The following RBM47 variants were observed in gnomAD, a reference collection of about 807,000 sequenced individuals.
RBM47 encodes the protein RNA-binding protein 47.
In RBM47, 21 loss-of-function variants were observed where a neutral mutation model predicts 47.1. The observed-to-expected ratio is 0.45, with a 90% CI of 0.32 to 0.64. The LOEUF (loss-of-function observed/expected upper bound fraction) is 0.64. Among genes scored for constraint, RBM47 ranks in the 30% least tolerant of loss-of-function variants. The probability of loss-of-function intolerance (pLI) is 0.05; values close to 1 mark genes in which losing one functional copy is unlikely to be tolerated. For missense variants in RBM47, 708 were observed against 870.9 expected (o/e 0.81, Z 2.35); for synonymous variants, 375 against 361.7 (o/e 1.04, Z -0.42).
At chr4:40,465,215 T>C (rs1238303408) in intron 3 of RBM47, among the ~76,000 whole-genome samples, 1 of 152,124 alleles carries the variant, frequency 6.6e-6, no homozygotes, top group Admixed American at 6.5e-5. Context: ...AGCCCCTCCC[T>C]GACACACCAA....
intron 2 of RBM47, among the ~76,000 whole-genome samples, chr4:40,507,517 G>T (rs536891433): frequency 7.9e-5 from 12 of 152,266 alleles, no homozygotes; most frequent in Middle Eastern, 3.4e-3. Context: ...GGCTGGGCGC[G>T]GTGGCTCACG....
intron 2 of RBM47, among the ~76,000 whole-genome samples, chr4:40,493,147 C>A (rs970415942): frequency 1.3e-5 from 2 of 152,092 alleles, no homozygotes; most frequent in African/African-American, 4.8e-5. Context: ...TCACATAATA[C>A]CCAATTTCAA....
At chr4:40,440,899 T>C (rs4861137) in intron 3 of RBM47, among the ~76,000 whole-genome samples, 45,343 of 152,088 alleles carry the variant, frequency 0.3, 8,178 homozygotes, top group South Asian at 0.41. Flanking sequence ...AACTTTTGAG[T>C]AAAATCTTAG....
rs1487107892 is a variant in RBM47, at chr4:40,424,418, G to A, written c.*1486C>T. ...TCTGCTAAACAAAAGCCTTTAAACA[G>A]GCACAAAACACTGCAACAATACATT... On this transcript the variant is annotated 3_prime_UTR_variant, in exon 7 of 7. Coordinates refer to ENST00000295971, the MANE Select transcript of RBM47 (RefSeq NM_001098634.2). The A allele has an allele frequency of 6.6e-6, 1 of 152,346 alleles. No homozygotes were observed. Among genetic ancestry groups the A allele is most frequent in the African/African-American group, 2.4e-5 (1 of 41,350 alleles). 9.4% of individuals were successfully genotyped at this position (152,346 alleles called of 1,614,324 possible).
chr4:40,578,652 C>T (rs1415120188), intron 1 of RBM47, among the ~76,000 whole-genome samples: 1 of 152,158 alleles, frequency 6.6e-6, no homozygotes, highest in Non-Finnish European at 1.5e-5. Context: ...CTATCATTTT[C>T]TCTTCTACCT....
intron 1 of RBM47, among the ~76,000 whole-genome samples, chr4:40,607,611 T>C (rs957906023): frequency 6.6e-6 from 1 of 152,034 alleles, no homozygotes; most frequent in African/African-American, 2.4e-5. Flanking sequence ...GGAGGCTGCA[T>C]TGGGAGGATT....
intron 2 of RBM47, chr4:40,542,712 A>C (rs866569562): frequency 1.3e-5 from 2 of 151,858 alleles, no homozygotes; most frequent in South Asian, 4.2e-4. Context: ...ACAATTTTTA[A>C]ATTTTTGTAG....
At chr4:40,569,016 T>TAGACAGAC (rs398063481) in intron 1 of RBM47, among the ~76,000 whole-genome samples, 27 of 98,806 alleles carry the variant, frequency 2.7e-4, no homozygotes, top group African/African-American at 8.0e-4. Context: ...GATAGATAGA[T>TAGACAGAC]AGACAGACAG....
intron 2 of RBM47, among the ~76,000 whole-genome samples, chr4:40,502,845 C>T (rs1269296572): frequency 3.3e-5 from 5 of 150,648 alleles, no homozygotes; most frequent in South Asian, 2.1e-4. Context: ...AAACCCTGTC[C>T]GAAAAAAAAG....
rs949209592 is a variant in RBM47 at position 40,498,630 on chromosome 4, G to A, written c.-154-31931C>T. ...GGAGGTTGCAGTGAGCCAATATTGCGCCATTGCACTCCAGCCTGGGCAACA... is the reference window on the plus strand; with the variant it reads ...GGAGGTTGCAGTGAGCCAATATTGCACCATTGCACTCCAGCCTGGGCAACA... On this transcript the variant is annotated intron_variant, in intron 2 of 6. Transcript: ENST00000295971. Among the ~76,000 whole-genome samples the A allele has an allele frequency of 8.1e-5, 11 of 135,966 alleles. 1 individual carries two copies. The highest frequency in any genetic ancestry group is 3.3e-4 in the Admixed American group (4 of 12,076). 89.2% of individuals were successfully genotyped at this position (135,966 alleles called of 152,430 possible). A position where few individuals can be genotyped will look rare whatever the true frequency, so the allele number is the denominator to read the frequency against.
At chr4:40,498,054 T>TATATATATATATATATATATATATATA (rs1553890650) in intron 2 of RBM47, among the ~76,000 whole-genome samples, 26 of 109,838 alleles carry the variant, frequency 2.4e-4, no homozygotes, top group Admixed American at 3.6e-4. Context: ...AGTGCTTGTT[T>TATATATATATATATATATATATATATA]TATATATATA....
chr4:40,508,783 A>C (rs1172454091), intron 2 of RBM47, among the ~76,000 whole-genome samples: 2 of 152,264 alleles, frequency 1.3e-5, no homozygotes, highest in Non-Finnish European at 2.9e-5. Context: ...AGGTACATAC[A>C]CATATAAAAA....
intron 1 of RBM47, among the ~76,000 whole-genome samples, chr4:40,587,661 A>C (rs948989372): frequency 6.6e-6 from 1 of 152,172 alleles, no homozygotes; most frequent in African/African-American, 2.4e-5. Context: ...ACCTTCCAGC[A>C]CTTTCCTTAA....
At chr4:40,626,797 T>C (rs1737784117) in intron 1 of RBM47, among the ~76,000 whole-genome samples, 1 of 152,148 alleles carries the variant, frequency 6.6e-6, no homozygotes, top group Admixed American at 6.5e-5. Context: ...TCAGGAGTTT[T>C]ACCAACAGGA....
intron 1 of RBM47, among the ~76,000 whole-genome samples, chr4:40,580,556 G>A (rs559724534): frequency 6.6e-6 from 1 of 152,080 alleles, no homozygotes; most frequent in African/African-American, 2.4e-5. Flanking sequence ...TTGAAATTTG[G>A]TTACCATCAT....
At chr4:40,508,934 G>A (rs562008440) in intron 2 of RBM47, among the ~76,000 whole-genome samples, 215 of 152,334 alleles carry the variant, frequency 1.4e-3, no homozygotes, top group African/African-American at 4.9e-3. Flanking sequence ...GCCAAGGTGG[G>A]CGGATCACCT....
intron 2 of RBM47, among the ~76,000 whole-genome samples, chr4:40,532,438 G>C (rs567764282): frequency 6.8e-6 from 1 of 145,994 alleles, no homozygotes; most frequent in African/African-American, 2.5e-5. Context: ...TCAGCCTCCC[G>C]AGTAGCTGGG....
chr4:40,539,446 G>GGT (rs1467724735), intron 2 of RBM47, among the ~76,000 whole-genome samples: 1 of 151,956 alleles, frequency 6.6e-6, no homozygotes, highest in African/African-American at 2.4e-5. Context: ...TTTTCCAAAA[G>GGT]GTGTATCTTC....
At chr4:40,595,509 T>C (rs1262885572) in intron 1 of RBM47, among the ~76,000 whole-genome samples, 2 of 151,764 alleles carry the variant, frequency 1.3e-5, no homozygotes, top group Non-Finnish European at 2.9e-5. Flanking sequence ...GAGAAAAGGA[T>C]AGAAAAGAAA....
Sources: allele counts gnomAD v4.1 joint callset (sites outside exome capture counted in the v4.1 genomes callset), GRCh38; gene constraint gnomAD v4.1.1; transcripts MANE v1.5; gene names NCBI Gene and HGNC (gene_info 2026-07-23, HGNC 2026-07-21).